Variants in TNFRSF10C observed in about 807,000 individuals in gnomAD.
The protein encoded by TNFRSF10C is TNF receptor superfamily member 10c, also known as tumor necrosis factor receptor superfamily member 10C.
TNFRSF10C carries 17 observed loss-of-function variants against 16.7 expected under a neutral mutation model. The ratio of observed to expected loss-of-function variants is 1.02; its 90% confidence interval spans 0.70 to 1.53. TNFRSF10C has a LOEUF of 1.53. Ranked by LOEUF, TNFRSF10C falls within the 40% of genes most tolerant of loss-of-function variation. The probability of loss-of-function intolerance (pLI) is 0.00; values close to 1 mark genes in which losing one functional copy is unlikely to be tolerated. For missense variants in TNFRSF10C, 237 were observed against 329.7 expected, an observed-to-expected ratio of 0.72 and a Z score of 2.18; for synonymous variants, 73 against 119.7, an observed-to-expected ratio of 0.61 and a Z score of 2.55.
chr8:23,107,439 A>G (rs1813800187), intron 1 of TNFRSF10C, among the ~76,000 whole-genome samples: 1 of 152,220 alleles, frequency 6.6e-6, no homozygotes, highest in South Asian at 2.1e-4. Context: ...CAATGTATAC[A>G]CACGTCTCAA....
rs549304275 is a variant in TNFRSF10C at position 23,110,951 on chromosome 8, C to A, written c.61-769C>A. Reference sequence around the variant, plus strand: ...TGGTTTTTTAAAATTCTTATAAAATCTTTTCTTTCCAACCATGGTGGCATG... The same window carrying A: ...TGGTTTTTTAAAATTCTTATAAAATATTTTCTTTCCAACCATGGTGGCATG... On this transcript the variant is annotated intron_variant, in intron 1 of 4. Transcript: ENST00000356864. Among the ~76,000 whole-genome samples, 333 of 152,160 alleles carry A rather than the reference C, an allele frequency of 2.2e-3. 3 individuals are homozygous for A. The highest frequency in any genetic ancestry group is 3.4e-3 in the Middle Eastern group (1 of 294).
intron 1 of TNFRSF10C, among the ~76,000 whole-genome samples, chr8:23,107,440 C>CA (rs1354560549): frequency 1.3e-5 from 2 of 152,178 alleles, no homozygotes; most frequent in Admixed American, 6.5e-5. Context: ...AATGTATACA[C>CA]ACGTCTCAAT....
intron 2 of TNFRSF10C, 53 bp from the exon 3 acceptor site, chr8:23,114,604 G>C: frequency 2.7e-6 from 4 of 1,459,716 alleles, no homozygotes; most frequent in Non-Finnish European, 3.8e-6. Flanking sequence ...ACCACTGTCA[G>C]CCTCTGGGAA....
chr8:23,113,067 A>G (rs1490889400), intron 2 of TNFRSF10C, among the ~76,000 whole-genome samples: 1 of 152,064 alleles, frequency 6.6e-6, no homozygotes, highest in African/African-American at 2.4e-5. Context: ...CATTTTTTTC[A>G]TATACTTTTT....
intron 1 of TNFRSF10C, among the ~76,000 whole-genome samples, chr8:23,110,069 CAAAAAAAAAAA>C (rs56263402): frequency 5.0e-5 from 2 of 39,642 alleles, no homozygotes; most frequent in Admixed American, 4.4e-4. Flanking sequence ...ACCCTGTCTC[CAAAAAAAAAAA>C]AAAAAAAAAA....
At chr8:23,114,383 G>T in intron 2 of TNFRSF10C, 1 of 330,578 alleles carries the variant, frequency 3.0e-6, no homozygotes, top group South Asian at 3.8e-5. Flanking sequence ...AAACTATATT[G>T]TTAAAATTAA....
chr8:23,115,437 G>T, intron 3 of TNFRSF10C, 71 bp from the exon 4 acceptor site: 1 of 1,330,456 alleles, frequency 7.5e-7, no homozygotes, highest in South Asian at 1.3e-5. Flanking sequence ...AGTGGGAGGG[G>T]GTGGGTGGTA....
intron 3 of TNFRSF10C, among the ~76,000 whole-genome samples, 161 bp downstream of exon 3, chr8:23,114,931 C>A (rs1031519363): frequency 1.7e-4 from 26 of 152,136 alleles, no homozygotes; most frequent in Non-Finnish European, 3.2e-4. Flanking sequence ...AGAAAGAAAT[C>A]TTTTCTATAA....
At chr8:23,104,475 C>T (rs927372460) in intron 1 of TNFRSF10C, among the ~76,000 whole-genome samples, 1 of 152,196 alleles carries the variant, frequency 6.6e-6, no homozygotes, top group African/African-American at 2.4e-5. Flanking sequence ...TTGCTAATTC[C>T]AACAGCATTG....
chr8:23,103,687 AGGTGCT>A (rs2128829410), intron 1 of TNFRSF10C: 1 of 178,378 alleles, frequency 5.6e-6, no homozygotes, highest in Admixed American at 5.8e-5. Flanking sequence ...CGGTTAACCA[AGGTGCT>A]GCCTTGGTTA....
At chr8:23,103,320 G>C (rs968241492) in intron 1 of TNFRSF10C, 139 bp downstream of exon 1, 2 of 1,445,904 alleles carry the variant, frequency 1.4e-6, no homozygotes, top group African/African-American at 2.8e-5. Context: ...ACTCGCCGTC[G>C]GAGTCAGGGG....
At chr8:23,108,850 C>T (rs1813824805) in intron 1 of TNFRSF10C, among the ~76,000 whole-genome samples, 1 of 152,130 alleles carries the variant, frequency 6.6e-6, no homozygotes, top group South Asian at 2.1e-4. Flanking sequence ...ATACTTTCAC[C>T]AAGATAGACC....
Position 23,103,534 on chromosome 8 carries a change from T to G in TNFRSF10C, c.60+353T>G, listed in dbSNP as rs772784531. 1.1e-4 allele frequency: 41 copies of G among 367,378 alleles called. 1 individual carries two copies. The highest frequency in any genetic ancestry group is 1.9e-4 in the Non-Finnish European group (38 of 197,774). 22.8% of individuals were successfully genotyped at this position (367,378 alleles called of 1,614,324 possible). A position where few individuals can be genotyped will look rare whatever the true frequency, so the allele number is the denominator to read the frequency against. The stretch of plus-strand genomic sequence containing the variant: ...TTAATTAATTAATTAGTTAATAAAA[T>G]TAACCCCATGTTTACATTCTTAAAC... On this transcript the variant is annotated intron_variant, in intron 1 of 4. Coordinates refer to ENST00000356864, the MANE Select transcript of TNFRSF10C (RefSeq NM_003841.5).
At position 23,114,717 on chromosome 8, in the gene TNFRSF10C, C is replaced by G; in HGVS notation, c.227C>G (p.Thr76Ser). The change falls in exon 3 of 5, where the codon ACC (threonine) becomes AGC (serine). Residue 76 changes from threonine (T) to serine (S), a missense_variant. Coordinates refer to ENST00000356864, the MANE Select transcript of TNFRSF10C (RefSeq NM_003841.5). ...CCGTGCACAGAGGGTGTGGATTACA[C>G]CAACGCTTCCAACAATGAACCTTCT... ...CNPCTEGVDY[T>S]NASNNEPSCF... The G allele has an allele frequency of 6.2e-7, 1 of 1,614,068 alleles. No homozygotes were observed. The highest frequency in any genetic ancestry group is 8.5e-7 in the Non-Finnish European group (1 of 1,179,982).
intron 1 of TNFRSF10C, among the ~76,000 whole-genome samples, chr8:23,103,790 AGTT>A (rs1453151722): frequency 1.3e-5 from 2 of 152,132 alleles, no homozygotes; most frequent in Non-Finnish European, 2.9e-5. Flanking sequence ...AACGGTGTAA[AGTT>A]GTTGTGAGTT....
intron 2 of TNFRSF10C, among the ~76,000 whole-genome samples, chr8:23,113,111 A>G (rs543144374): frequency 1.3e-5 from 2 of 152,270 alleles, no homozygotes; most frequent in African/African-American, 4.8e-5. Context: ...AGAAGTGTCT[A>G]TTCAGGTCCC....
At chr8:23,115,382 G>C in intron 3 of TNFRSF10C, 126 bp from the exon 4 acceptor site, 1 of 675,522 alleles carries the variant, frequency 1.5e-6, no homozygotes, top group Non-Finnish European at 2.5e-6. Flanking sequence ...GTGTGCTGGT[G>C]CAGAAACTGG....
chr8:23,116,667 G>C lies in TNFRSF10C; in HGVS notation c.416G>C (p.Ser139Thr), dbSNP rs1383040103. 6.2e-7 allele frequency: 1 copy of C among 1,614,158 alleles called. No homozygotes were observed. The highest frequency in any genetic ancestry group is 2.2e-5 in the East Asian group (1 of 44,882). ...SRCPSGEVQV[S>T]NCTSWDDIQC... ...TGCCCTAGTGGGGAAGTCCAAGTCA[G>C]TAATTGTACGTCCTGGGATGATATC... Residue 139 changes from serine (S) to threonine (T), a missense_variant, in exon 5 of 5, where the codon AGT (serine) becomes ACT (threonine). Transcript: ENST00000356864.
intron 1 of TNFRSF10C, among the ~76,000 whole-genome samples, chr8:23,106,006 T>C (rs1197726850): frequency 6.6e-6 from 1 of 152,240 alleles, no homozygotes; most frequent in Non-Finnish European, 1.5e-5. Context: ...ACAGGGCTCT[T>C]GGAGCCTGTC....
Sources: allele counts gnomAD v4.1 joint callset (sites outside exome capture counted in the v4.1 genomes callset), GRCh38; gene constraint gnomAD v4.1.1; transcripts MANE v1.5; gene names NCBI Gene and HGNC (gene_info 2026-07-23, HGNC 2026-07-21).